EIF2B3: variants seen among roughly 807,000 people sequenced by gnomAD.
EIF2B3 encodes translation initiation factor eIF2B subunit gamma.
EIF2B3 carries 20 observed loss-of-function variants against 54.1 expected under a neutral mutation model. The ratio of observed to expected loss-of-function variants is 0.37; its 90% confidence interval spans 0.26 to 0.54. The LOEUF is 0.54. EIF2B3 is among the 20% of genes least tolerant of loss of function. The pLI is 0.86. For synonymous variants in EIF2B3, 153 were observed against 188.1 expected (o/e 0.81, Z 1.52); for missense variants, 448 against 547.8 (o/e 0.82, Z 1.82).
chr1:44,980,630 G>A (rs1337874836), intron 2 of EIF2B3, among the ~76,000 whole-genome samples: 1 of 152,014 alleles, frequency 6.6e-6, no homozygotes, highest in Non-Finnish European at 1.5e-5. Context: ...CTGTACCTCC[G>A]TGTTTAATAT....
At chr1:44,983,376 C>T (rs17393404) in intron 1 of EIF2B3, among the ~76,000 whole-genome samples, 33,763 of 152,200 alleles carry the variant, frequency 0.22, 4,080 homozygotes, top group Admixed American at 0.32. Flanking sequence ...GGGCCCAGCA[C>T]ATCAACATCT....
chr1:44,863,795 G>A (rs542663273), intron 10 of EIF2B3, among the ~76,000 whole-genome samples: 146 of 152,114 alleles, frequency 9.6e-4, no homozygotes, highest in Non-Finnish European at 1.7e-3. Context: ...ACATGTTACC[G>A]TTCTGTGTAT....
chr1:44,918,208 C>A (rs564451115), intron 5 of EIF2B3, among the ~76,000 whole-genome samples: 1 of 147,936 alleles, frequency 6.8e-6, no homozygotes, highest in Non-Finnish European at 1.5e-5. Context: ...CTCAGCCTCC[C>A]GAGTAGCTGG....
At chr1:44,924,449 G>A (rs923373760) in intron 5 of EIF2B3, among the ~76,000 whole-genome samples, 1 of 151,814 alleles carries the variant, frequency 6.6e-6, no homozygotes, top group African/African-American at 2.4e-5. Flanking sequence ...GTCGCCCAGC[G>A]CAATCTAGGC....
chr1:44,897,102 A>C (rs568051616), intron 6 of EIF2B3, among the ~76,000 whole-genome samples: 13 of 152,348 alleles, frequency 8.5e-5, no homozygotes, highest in African/African-American at 3.1e-4. Context: ...GGTTACCGTT[A>C]AGTGTTACAA....
At position 44,981,205 on chromosome 1, in the gene EIF2B3, G is replaced by GA. The variant is rs771928195; in HGVS notation, c.-9-29dup. Reference sequence around the variant, plus strand: ...GCAAGTACAGAAAAAACAATTAACAGAAAAAAAACAATGTAACAAAAATCA... The same window carrying GA: ...GCAAGTACAGAAAAAACAATTAACAGAAAAAAAAACAATGTAACAAAAATCA... On this transcript the variant is annotated intron_variant, in intron 1 of 11. Coordinates refer to ENST00000360403, the MANE Select transcript of EIF2B3 (RefSeq NM_020365.5). 4.0e-5 allele frequency: 65 copies of GA among 1,610,440 alleles called. No homozygotes were observed. The African/African-American group carries it at 5.3e-4, about 13-fold the overall frequency.
At chr1:44,981,942 CAAAAAAA>C (rs35864275) in intron 1 of EIF2B3, among the ~76,000 whole-genome samples, 1 of 78,990 alleles carries the variant, frequency 1.3e-5, no homozygotes, top group African/African-American at 4.4e-5. Flanking sequence ...GATCCTGTCT[CAAAAAAA>C]AAAAAAAAAA....
At chr1:44,905,714 T>G (rs1643399631) in intron 5 of EIF2B3, among the ~76,000 whole-genome samples, 5 of 152,210 alleles carry the variant, frequency 3.3e-5, no homozygotes, top group Admixed American at 3.3e-4. Context: ...TCTCTCTTAC[T>G]TAAAATCAAT....
At position 44,941,583 on chromosome 1, in the gene EIF2B3, G is replaced by A. The variant is rs144947838; in HGVS notation, c.377C>T (p.Ala126Val). The change falls in exon 4 of 12, where the codon GCA becomes GTA. Residue 126 changes from alanine to valine, a missense_variant. By Grantham distance (64) the Ala-to-Val change is moderately conservative. Transcript: ENST00000360403. ...TTTTCTCATCAACATAGCAAGTGAT[G>A]CATCATAAGCTCTAAACAGGTCCAC... is the stretch of plus-strand genomic sequence containing the variant. ...EVVDLFRAYD[A>V]SLAMLMRKGQ... 11 of 1,613,882 alleles carry A rather than the reference G, an allele frequency of 6.8e-6. No individual in the cohort carries two copies. Among genetic ancestry groups the A allele is most frequent in the Non-Finnish European group, 9.3e-6 (11 of 1,179,994 alleles).
chr1:44,897,281 G>T, intron 6 of EIF2B3, 74 bp downstream of exon 6: 1 of 1,084,168 alleles, frequency 9.2e-7, no homozygotes. Context: ...AAATTATGAA[G>T]GTTTAAAATT....
At chr1:44,902,512 AG>A (rs1246244085) in intron 5 of EIF2B3, among the ~76,000 whole-genome samples, 1 of 152,102 alleles carries the variant, frequency 6.6e-6, no homozygotes, top group African/African-American at 2.4e-5. Context: ...ATTAAAAAAA[AG>A]AAAAAAAGAA....
intron 1 of EIF2B3, among the ~76,000 whole-genome samples, chr1:44,985,942 G>T (rs1644569755): frequency 6.6e-6 from 1 of 152,164 alleles, no homozygotes; most frequent in African/African-American, 2.4e-5. Context: ...TGAAGGCAGA[G>T]ACCTCACTGC....
intron 1 of EIF2B3, among the ~76,000 whole-genome samples, chr1:44,982,934 C>T (rs1644530102): frequency 6.6e-6 from 1 of 152,080 alleles, no homozygotes; most frequent in Non-Finnish European, 1.5e-5. Flanking sequence ...AGCTGCCCAG[C>T]TAATTTTGTA....
chr1:44,956,635 A>G (rs1034499457), intron 3 of EIF2B3, among the ~76,000 whole-genome samples: 5 of 152,180 alleles, frequency 3.3e-5, no homozygotes, highest in Admixed American at 2.6e-4. Flanking sequence ...ATATACATAT[A>G]TGTATATATG....
At chr1:44,902,592 T>TGGGAGGACTGCTCAAGCTC (rs1643329174) in intron 5 of EIF2B3, among the ~76,000 whole-genome samples, 1 of 151,714 alleles carries the variant, frequency 6.6e-6, no homozygotes, top group Non-Finnish European at 1.5e-5. Context: ...GATGCCAGTG[T>TGGGAGGACTGCTCAAGCTC]GGGAGGACTG....
intron 10 of EIF2B3, among the ~76,000 whole-genome samples, chr1:44,873,005 T>TCG (rs1332765070): frequency 6.6e-6 from 1 of 152,222 alleles, no homozygotes; most frequent in African/African-American, 2.4e-5. Flanking sequence ...AGGCAATTAT[T>TCG]AGCATCTCTT....
intron 5 of EIF2B3, among the ~76,000 whole-genome samples, chr1:44,915,383 C>T (rs563882016): frequency 2.2e-4 from 33 of 152,196 alleles, no homozygotes; most frequent in African/African-American, 4.8e-4. Flanking sequence ...ATGATCACAA[C>T]GCACTGCAGC....
At chr1:44,904,163 AC>A in intron 5 of EIF2B3, among the ~76,000 whole-genome samples, 1 of 152,200 alleles carries the variant, frequency 6.6e-6, no homozygotes, top group East Asian at 1.9e-4. Flanking sequence ...CTTTTTCCTA[AC>A]CAAGCTAAGT....
chr1:44,914,889 C>T (rs539105802), intron 5 of EIF2B3, among the ~76,000 whole-genome samples: 3 of 152,272 alleles, frequency 2.0e-5, no homozygotes, highest in Non-Finnish European at 4.4e-5. Flanking sequence ...GCGGTTTCAA[C>T]CGTGTTAGCC....
Sources: allele counts gnomAD v4.1 joint callset (sites outside exome capture counted in the v4.1 genomes callset), GRCh38; gene constraint gnomAD v4.1.1; transcripts MANE v1.5; gene names NCBI Gene and HGNC (gene_info 2026-07-23, HGNC 2026-07-21).